Variants in CFAP299 observed in about 807,000 individuals in gnomAD.
CFAP299 encodes the protein cilia and flagella associated protein 299.
A neutral mutation model predicts 27.0 loss-of-function variants in CFAP299; 21 were observed. That is an observed-to-expected ratio of 0.78 (90% CI 0.55 to 1.12). CFAP299 has a LOEUF of 1.12. Ranked by LOEUF, CFAP299 falls within the 50% of genes most tolerant of loss-of-function variation. CFAP299 has a pLI of 0.00. For missense variants in CFAP299, 310 were observed against 276.6 expected (o/e 1.12, Z -0.86); for synonymous variants, 104 against 98.1 (o/e 1.06, Z -0.36).
chr4:80,653,440 T>C (rs1740408432), intron 3 of CFAP299, among the ~76,000 whole-genome samples: 2 of 152,052 alleles, frequency 1.3e-5, no homozygotes, highest in African/African-American at 2.4e-5. Flanking sequence ...TACTGATCTA[T>C]AATGTCATCT....
At chr4:80,403,234 G>A (rs1287982613) in intron 2 of CFAP299, among the ~76,000 whole-genome samples, 1 of 152,156 alleles carries the variant, frequency 6.6e-6, no homozygotes, top group Non-Finnish European at 1.5e-5. Context: ...ACTCTAAGTA[G>A]TCTTGGAGAA....
At chr4:80,636,057 T>G (rs999658748) in intron 3 of CFAP299, among the ~76,000 whole-genome samples, 4 of 152,198 alleles carry the variant, frequency 2.6e-5, no homozygotes, top group Admixed American at 2.6e-4. Flanking sequence ...AGCCTCAAAT[T>G]AGAAAAATAG....
intron 3 of CFAP299, among the ~76,000 whole-genome samples, chr4:80,852,535 A>AAGTTTGAT (rs1177381233): frequency 4.6e-5 from 7 of 152,178 alleles, no homozygotes; most frequent in Non-Finnish European, 1.0e-4. Context: ...GGCAAACAAA[A>AAGTTTGAT]AGTTTGATTC....
intron 2 of CFAP299, among the ~76,000 whole-genome samples, chr4:80,509,603 T>G (rs758603670): frequency 2.0e-4 from 30 of 152,286 alleles, no homozygotes; most frequent in Admixed American, 8.5e-4. Context: ...TTCTGAAACA[T>G]AGTAACTAGA....
chr4:80,930,918 T>A (rs1391359624), intron 4 of CFAP299, among the ~76,000 whole-genome samples: 1 of 152,176 alleles, frequency 6.6e-6, no homozygotes, highest in Non-Finnish European at 1.5e-5. Flanking sequence ...GCTATTATTC[T>A]GTCCTTTTTT....
intron 3 of CFAP299, among the ~76,000 whole-genome samples, chr4:80,766,445 C>T (rs1725867321): frequency 6.6e-6 from 1 of 152,076 alleles, no homozygotes; most frequent in Non-Finnish European, 1.5e-5. Flanking sequence ...AACAAGAAAT[C>T]ATTGATGATG....
chr4:80,364,582 CTTTG>C (rs1403326319), intron 2 of CFAP299, among the ~76,000 whole-genome samples: 1 of 152,136 alleles, frequency 6.6e-6, no homozygotes, highest in Non-Finnish European at 1.5e-5. Context: ...AGCAAAGGCC[CTTTG>C]TTTGTTATTT....
chr4:80,937,497 T>C (rs59527180), intron 4 of CFAP299, among the ~76,000 whole-genome samples: 5,133 of 151,758 alleles, frequency 0.034, 199 homozygotes, highest in African/African-American at 0.095. Flanking sequence ...TTTTGTATTT[T>C]TTGTAGAGAC....
chr4:80,915,747 A>G (rs1168443571), intron 4 of CFAP299, among the ~76,000 whole-genome samples: 1 of 151,766 alleles, frequency 6.6e-6, no homozygotes, highest in Admixed American at 6.6e-5. Context: ...TTCCTTGAGC[A>G]GTGTCTCTAA....
chr4:80,828,813 C>A (rs760524030), intron 3 of CFAP299, among the ~76,000 whole-genome samples: 39 of 151,954 alleles, frequency 2.6e-4, no homozygotes, highest in Non-Finnish European at 5.2e-4. Flanking sequence ...GCAAGAATGG[C>A]CTAACACAAC....
intron 3 of CFAP299, among the ~76,000 whole-genome samples, chr4:80,658,507 T>G (rs527393714): frequency 6.6e-6 from 1 of 152,302 alleles, no homozygotes; most frequent in Admixed American, 6.5e-5. Flanking sequence ...TTTTTGTCAT[T>G]GGTTTTGTTT....
intron 4 of CFAP299, among the ~76,000 whole-genome samples, chr4:80,894,280 A>G (rs967564225): frequency 6.6e-6 from 1 of 151,970 alleles, no homozygotes; most frequent in African/African-American, 2.4e-5. Flanking sequence ...ACCTAGAGTC[A>G]GTTTCTTTGT....
At chr4:80,622,678 T>TA (rs1738670722) in intron 3 of CFAP299, among the ~76,000 whole-genome samples, 1 of 152,110 alleles carries the variant, frequency 6.6e-6, no homozygotes, top group Non-Finnish European at 1.5e-5. Context: ...AGTGAAAGAT[T>TA]AAAAAATTAA....
intron 3 of CFAP299, among the ~76,000 whole-genome samples, chr4:80,688,684 C>A (rs1314151628): frequency 6.6e-6 from 1 of 152,252 alleles, no homozygotes; most frequent in Non-Finnish European, 1.5e-5. Flanking sequence ...CGGAACAAAG[C>A]TGGACGGAGA....
intron 2 of CFAP299, among the ~76,000 whole-genome samples, chr4:80,500,507 A>G (rs1309049575): frequency 1.3e-5 from 2 of 152,168 alleles, no homozygotes; most frequent in Non-Finnish European, 2.9e-5. Context: ...ATACCAAACT[A>G]TCAAATTTTA....
chr4:80,687,801 CAG>C (rs1720309985), intron 3 of CFAP299, among the ~76,000 whole-genome samples: 1 of 152,174 alleles, frequency 6.6e-6, no homozygotes, highest in Non-Finnish European at 1.5e-5. Flanking sequence ...TAGGGAGTGT[CAG>C]ACAGTGGGCG....
intron 4 of CFAP299, among the ~76,000 whole-genome samples, chr4:80,916,278 T>TATAA (rs1735754392): frequency 8.4e-6 from 1 of 119,234 alleles, no homozygotes. Context: ...TATATATATA[T>TATAA]ATATATATAT....
chr4:80,938,555 C>T (rs956386139), intron 4 of CFAP299, among the ~76,000 whole-genome samples: 3 of 152,126 alleles, frequency 2.0e-5, no homozygotes, highest in Non-Finnish European at 2.9e-5. Context: ...TCAGTAAATA[C>T]GTGGGTAAAT....
intron 4 of CFAP299, among the ~76,000 whole-genome samples, chr4:80,889,464 A>T (rs1734140471): frequency 6.6e-6 from 1 of 152,036 alleles, no homozygotes; most frequent in Non-Finnish European, 1.5e-5. Context: ...GATAATAAGT[A>T]ACAAGATTGA....
Sources: gnomAD v4.1 joint callset for allele counts (sites outside exome capture counted in the v4.1 genomes callset) on GRCh38, gnomAD v4.1.1 for gene constraint, MANE v1.5 for transcripts, NCBI Gene and HGNC (gene_info 2026-07-23, HGNC 2026-07-21) for gene names.